Variants in BRINP1 observed in about 807,000 individuals in gnomAD.
BRINP1 encodes BMP/retinoic acid inducible neural specific 1.
BRINP1 carries 17 observed loss-of-function variants against 72.9 expected under a neutral mutation model. That is an observed-to-expected ratio of 0.23 (90% CI 0.16 to 0.35). The LOEUF (loss-of-function observed/expected upper bound fraction) is 0.35, where lower values mean the gene tolerates loss of function less well. BRINP1 is among the 10% of genes least tolerant of loss of function. BRINP1 has a pLI of 1.00. For synonymous variants in BRINP1, 418 were observed against 378.5 expected, an observed-to-expected ratio of 1.10 and a Z score of -1.21; for missense variants, 850 against 1,001.6, an observed-to-expected ratio of 0.85 and a Z score of 2.04.
At chr9:119,366,854 A>G (rs1247644662) in intron 1 of BRINP1, among the ~76,000 whole-genome samples, 1 of 151,882 alleles carries the variant, frequency 6.6e-6, no homozygotes, top group African/African-American at 2.4e-5. Flanking sequence ...GGGAATTCTC[A>G]TTCCCTCTTT....
intron 1 of BRINP1, among the ~76,000 whole-genome samples, chr9:119,344,397 C>G (rs935910498): frequency 6.6e-6 from 1 of 152,178 alleles, no homozygotes; most frequent in Non-Finnish European, 1.5e-5. Context: ...TACTCTTTCT[C>G]CTGCACTGTA....
chr9:119,329,297 A>T (rs1831273856), intron 1 of BRINP1, among the ~76,000 whole-genome samples: 1 of 152,196 alleles, frequency 6.6e-6, no homozygotes, highest in Non-Finnish European at 1.5e-5. Context: ...TACTGAAATC[A>T]GGTGAAAAGT....
chr9:119,308,995 A>G (rs760420963), intron 2 of BRINP1, among the ~76,000 whole-genome samples: 5 of 152,120 alleles, frequency 3.3e-5, no homozygotes, highest in Admixed American at 6.5e-5. Context: ...CAGAAAATAA[A>G]ACACAAAAAG....
At chr9:119,360,591 T>C (rs1016285121) in intron 1 of BRINP1, among the ~76,000 whole-genome samples, 10 of 152,224 alleles carry the variant, frequency 6.6e-5, no homozygotes, top group African/African-American at 2.4e-4. Context: ...AATCTTAGAA[T>C]GGAGACTTGA....
At chr9:119,316,054 A>G (rs1049189596) in intron 1 of BRINP1, among the ~76,000 whole-genome samples, 2 of 152,212 alleles carry the variant, frequency 1.3e-5, no homozygotes, top group Non-Finnish European at 2.9e-5. Context: ...TCGAGCTTCA[A>G]TTATTGATGA....
chr9:119,176,165 G>C (rs1288731816), intron 7 of BRINP1, among the ~76,000 whole-genome samples: 1 of 152,150 alleles, frequency 6.6e-6, no homozygotes, highest in East Asian at 1.9e-4. Context: ...AGGGTGAAAG[G>C]ACTGCTCAGA....
intron 2 of BRINP1, among the ~76,000 whole-genome samples, chr9:119,267,451 A>C (rs1223887628): frequency 6.6e-6 from 1 of 152,034 alleles, no homozygotes; most frequent in African/African-American, 2.4e-5. Flanking sequence ...CCTGGCCAAC[A>C]TGGTGAAACC....
chr9:119,332,515 C>A (rs1382767211), intron 1 of BRINP1, among the ~76,000 whole-genome samples: 1 of 152,196 alleles, frequency 6.6e-6, no homozygotes, highest in Admixed American at 6.5e-5. Flanking sequence ...TTGGGCTCAT[C>A]TTCATAACTC....
chr9:119,275,394 A>C (rs1830646560), intron 2 of BRINP1, among the ~76,000 whole-genome samples: 1 of 152,172 alleles, frequency 6.6e-6, no homozygotes, highest in South Asian at 2.1e-4. Flanking sequence ...TATTCTGTTT[A>C]TCTCTCTCCC....
At chr9:119,274,873 T>C (rs1249976913) in intron 2 of BRINP1, among the ~76,000 whole-genome samples, 1 of 152,158 alleles carries the variant, frequency 6.6e-6, no homozygotes, top group African/African-American at 2.4e-5. Context: ...TATGTGTATA[T>C]ACACATATAT....
chr9:119,220,446 G>T (rs1830028535), intron 5 of BRINP1, among the ~76,000 whole-genome samples: 1 of 152,148 alleles, frequency 6.6e-6, no homozygotes, highest in Non-Finnish European at 1.5e-5. Context: ...GAAGATTATA[G>T]CCCAATCTTC....
chr9:119,213,966 T>C lies in BRINP1; in HGVS notation c.875A>G (p.Asn292Ser), dbSNP rs144848779. Reference protein sequence around the residue: ...DIQIMEYTLANMAKSWAEAYK... With the variant: ...DIQIMEYTLASMAKSWAEAYK... ...AGCTTCGGCCCAAGACTTGGCCATG[T>C]TGGCCAGCGTGTACTCCATGATCTG... Residue 292 changes from asparagine to serine, a missense_variant, in exon 6 of 8, where the codon AAC (asparagine) becomes AGC (serine). By Grantham distance (46) the Asn-to-Ser change is conservative. Transcript: ENST00000265922. 270 of 1,614,084 alleles carry C rather than the reference T, an allele frequency of 1.7e-4. No individual in the cohort carries two copies. The highest frequency in any genetic ancestry group is 2.2e-4 in the Non-Finnish European group (261 of 1,180,036).
intron 7 of BRINP1, among the ~76,000 whole-genome samples, chr9:119,204,889 C>T (rs781124094): frequency 2.0e-5 from 3 of 152,210 alleles, no homozygotes; most frequent in Non-Finnish European, 2.9e-5. Flanking sequence ...CTCTTTCCCT[C>T]TCCCACCTTA....
chr9:119,217,271 C>T (rs940679127), intron 5 of BRINP1, among the ~76,000 whole-genome samples: 4 of 151,662 alleles, frequency 2.6e-5, no homozygotes, highest in Non-Finnish European at 5.9e-5. Context: ...ATACAGCTGC[C>T]GGCTGGGGTG....
chr9:119,190,139 T>A (rs1018549633), intron 7 of BRINP1, among the ~76,000 whole-genome samples: 3 of 151,554 alleles, frequency 2.0e-5, no homozygotes, highest in African/African-American at 7.3e-5. Context: ...AGTAGAAACA[T>A]GACATATGAA....
intron 5 of BRINP1, among the ~76,000 whole-genome samples, chr9:119,224,740 C>A (rs956708513): frequency 3.3e-5 from 5 of 151,974 alleles, no homozygotes; most frequent in African/African-American, 1.2e-4. Flanking sequence ...AAAAGCCATG[C>A]CAGACAATGT....
At chr9:119,244,858 C>T (rs1032639436) in intron 3 of BRINP1, among the ~76,000 whole-genome samples, 2 of 152,198 alleles carry the variant, frequency 1.3e-5, no homozygotes, top group Non-Finnish European at 2.9e-5. Context: ...GGAGACTTCA[C>T]CTCACTGCAG....
intron 2 of BRINP1, among the ~76,000 whole-genome samples, chr9:119,268,684 C>T (rs1410000692): frequency 1.3e-5 from 2 of 152,202 alleles, no homozygotes; most frequent in African/African-American, 4.8e-5. Context: ...CACCTATTCT[C>T]CAGGCCTCGG....
intron 7 of BRINP1, among the ~76,000 whole-genome samples, chr9:119,190,759 T>A (rs1829675254): frequency 6.6e-6 from 1 of 151,820 alleles, no homozygotes; most frequent in African/African-American, 2.4e-5. Flanking sequence ...CTTAAATTCT[T>A]CCAAAAAATA....
Sources: gnomAD v4.1 joint callset for allele counts (sites outside exome capture counted in the v4.1 genomes callset) on GRCh38, gnomAD v4.1.1 for gene constraint, MANE v1.5 for transcripts, NCBI Gene and HGNC (gene_info 2026-07-23, HGNC 2026-07-21) for gene names.